RPS6KA2: variants seen among roughly 807,000 people sequenced by gnomAD.
RPS6KA2 encodes the protein ribosomal protein S6 kinase A2, also known as ribosomal protein S6 kinase alpha-2.
In RPS6KA2, 42 loss-of-function variants were observed where a neutral mutation model predicts 91.8. The observed-to-expected ratio is 0.46, with a 90% CI of 0.36 to 0.59. The LOEUF (loss-of-function observed/expected upper bound fraction) is 0.59, where lower values mean the gene tolerates loss of function less well. Ranked by LOEUF, RPS6KA2 falls within the 20% of genes least tolerant of loss-of-function variation. The pLI, the probability that RPS6KA2 is intolerant of heterozygous loss-of-function variation, is 0.00. For missense variants in RPS6KA2, 798 were observed against 978.5 expected, an observed-to-expected ratio of 0.82 and a Z score of 2.46; for synonymous variants, 414 against 393.6, an observed-to-expected ratio of 1.05 and a Z score of -0.61.
At chr6:166,758,551 A>G (rs1420453598) in intron 2 of RPS6KA2, among the ~76,000 whole-genome samples, 3 of 152,340 alleles carry the variant, frequency 2.0e-5, no homozygotes, top group South Asian at 2.1e-4. Flanking sequence ...GACCCAGGAC[A>G]CTGGCGGAGT....
intron 2 of RPS6KA2, among the ~76,000 whole-genome samples, chr6:166,857,734 G>A (rs115321017): frequency 0.015 from 2,232 of 151,996 alleles, 56 homozygotes; most frequent in African/African-American, 0.051. Context: ...ACTCCTCTCC[G>A]TCCACTGGAA....
intron 2 of RPS6KA2, among the ~76,000 whole-genome samples, chr6:166,854,984 C>A (rs183858026): frequency 2.6e-5 from 4 of 152,246 alleles, no homozygotes; most frequent in African/African-American, 9.6e-5. Context: ...AAATGTGATA[C>A]AGATACATCA....
At chr6:166,605,921 A>C (rs996661772) in intron 1 of RPS6KA2, among the ~76,000 whole-genome samples, 2 of 152,240 alleles carry the variant, frequency 1.3e-5, no homozygotes, top group African/African-American at 4.8e-5. Context: ...TTTACTTTGC[A>C]GGTTGATGTG....
chr6:166,508,706 C>G lies in RPS6KA2; in HGVS notation c.380-424G>C, dbSNP rs1341889948. On this transcript the variant is annotated intron_variant, in intron 4 of 20. Transcript: ENST00000265678. The surrounding 1 kb of genome is among the most constrained non-coding windows in gnomAD (Gnocchi z 4.3). ...TTCCGTCCTATGGAAGTGCCTTCTT[C>G]TTACAGAACTCCACTCTGGTACCAG... Among the ~76,000 whole-genome samples, 1 of 152,184 alleles carries G rather than the reference C, an allele frequency of 6.6e-6. No homozygotes were observed. The highest frequency in any genetic ancestry group is 1.5e-5 in the Non-Finnish European group (1 of 68,032).
At chr6:166,827,574 T>C (rs942923375) in intron 2 of RPS6KA2, among the ~76,000 whole-genome samples, 13 of 152,228 alleles carry the variant, frequency 8.5e-5, no homozygotes, top group Non-Finnish European at 1.9e-4. Flanking sequence ...CTGTCTGTTA[T>C]TAAGGTTGGC....
rs1365287643 is a variant in RPS6KA2 at position 166,821,862 on chromosome 6, AG to A, written c.123+36337del. ...CGTTGTTGTGTTGGATTCCCCACTC[AG>A]ACACGCTCTTCTCTCCTTCTTCCCC... On this transcript the variant is annotated intron_variant, in intron 2 of 21. Transcript: ENST00000503859. The surrounding 1 kb of genome is among the most constrained non-coding windows in gnomAD (Gnocchi z 4.1). Among the ~76,000 whole-genome samples the A allele has an allele frequency of 6.6e-6, 1 of 152,178 alleles. No homozygotes were observed. The highest frequency in any genetic ancestry group is 1.9e-4 in the East Asian group (1 of 5,164).
Position 166,821,583 on chromosome 6 carries a change from C to G in RPS6KA2, c.123+36617G>C, listed in dbSNP as rs1281206411. Among the ~76,000 whole-genome samples the G allele has an allele frequency of 6.6e-6, 1 of 152,066 alleles. No individual in the cohort carries two copies. The highest frequency in any genetic ancestry group is 6.5e-5 in the Admixed American group (1 of 15,274). On this transcript the variant is annotated intron_variant, in intron 2 of 21. Transcript: ENST00000503859. This position sits in a 1 kb window ranked among gnomAD's most constrained non-coding sequence, Gnocchi z 4.1. ...TGCGGTGGGCCATCCCTCCTCCCAC[C>G]GTAACCACCTACGCTCCCCTGGGTT...
chr6:166,673,210 T>G (rs112863387), intron 2 of RPS6KA2, among the ~76,000 whole-genome samples: 263 of 152,292 alleles, frequency 1.7e-3, no homozygotes, highest in African/African-American at 6.0e-3. Flanking sequence ...TGAGCCACCC[T>G]CCTCCACGTG....
chr6:166,488,777 G>T, intron 10 of RPS6KA2, 56 bp downstream of exon 10: 1 of 1,393,312 alleles, frequency 7.2e-7, no homozygotes, highest in Non-Finnish European at 1.0e-6. Flanking sequence ...CTCCACTGTA[G>T]CTTGCGGGGC....
chr6:166,767,871 G>A lies in RPS6KA2; in HGVS notation c.123+90329C>T, dbSNP rs1009640961. 6.6e-6 allele frequency among the ~76,000 whole-genome samples: 1 copy of A among 151,666 alleles called. No individual in the cohort carries two copies. Among genetic ancestry groups the A allele is most frequent in the Non-Finnish European group, 1.5e-5 (1 of 67,994 alleles). On this transcript the variant is annotated intron_variant, in intron 2 of 21. Coordinates refer to the RPS6KA2 transcript ENST00000503859. The surrounding 1 kb of genome is among the most constrained non-coding windows in gnomAD (Gnocchi z 4.6). ...GTGTGTGCGGGGATTGCTAACCATG[G>A]CAGAGCCTGCTCTCACTGTTTGGGT...
chr6:166,594,247 A>G lies in RPS6KA2; in HGVS notation c.99+32674T>C, dbSNP rs1178356153. Among the ~76,000 whole-genome samples, 5 of 152,356 alleles carry G rather than the reference A, an allele frequency of 3.3e-5. No individual in the cohort carries two copies. In the South Asian group the frequency reaches 6.2e-4, roughly 19 times the overall value. ...GATTCAAATTTTTAAAGAACTGCAC[A>G]TATGTATACATGAAGAAAGAATCAG... is the stretch of plus-strand genomic sequence containing the variant. On this transcript the variant is annotated intron_variant, in intron 1 of 20. Coordinates refer to ENST00000265678, the MANE Select transcript of RPS6KA2 (RefSeq NM_021135.6).
At position 166,808,786 on chromosome 6, in the gene RPS6KA2, T is replaced by C. The variant is rs845669; in HGVS notation, c.123+49414A>G. Among the ~76,000 whole-genome samples the C allele has an allele frequency of 3.9e-3, 593 of 152,322 alleles. 1 individual carries two copies. The highest frequency in any genetic ancestry group is 4.0e-3 in the Non-Finnish European group (272 of 68,022). ...CAAGTATAGTCATATAAAATGTAAA[T>C]GTCAGTATCCCCAAATTGTCTACAA... is the stretch of plus-strand genomic sequence containing the variant. On this transcript the variant is annotated intron_variant, in intron 2 of 21. Coordinates refer to the RPS6KA2 transcript ENST00000503859.
At chr6:166,659,116 G>A (rs559263085) in intron 2 of RPS6KA2, among the ~76,000 whole-genome samples, 6 of 152,076 alleles carry the variant, frequency 3.9e-5, no homozygotes, top group Non-Finnish European at 7.4e-5. Flanking sequence ...CCAACTGACT[G>A]TGCAAATTGG....
rs1350119598 is a variant in RPS6KA2, at chr6:166,565,679, G to C, written c.100-26895C>G. Among the ~76,000 whole-genome samples, 3 of 152,380 alleles carry C rather than the reference G, an allele frequency of 2.0e-5. No individual in the cohort carries two copies. The East Asian group carries it at 5.8e-4, about 29-fold the overall frequency. On this transcript the variant is annotated intron_variant, in intron 1 of 20. Transcript: ENST00000265678. ...GGTCTTGGACACCGGGGGCCAGTGA[G>C]CTAGCTGTTGGGCCAGTGGGGCTCA...
intron 2 of RPS6KA2, chr6:166,701,504 G>A (rs1031240307): frequency 2.2e-6 from 3 of 1,337,400 alleles, no homozygotes; most frequent in African/African-American, 2.9e-5. Context: ...GCTTCCACTG[G>A]AGCAATCTTA....
intron 2 of RPS6KA2, among the ~76,000 whole-genome samples, chr6:166,708,863 G>A (rs971840323): frequency 3.3e-5 from 5 of 152,120 alleles, no homozygotes; most frequent in Admixed American, 2.6e-4. Context: ...ATTTTCATGG[G>A]CAATACATGA....
Position 166,639,275 on chromosome 6 carries a change from C to T in RPS6KA2, c.124-100491G>A, listed in dbSNP as rs1165424185. Among the ~76,000 whole-genome samples the T allele has an allele frequency of 2.0e-5, 3 of 152,120 alleles. No individual in the cohort carries two copies. The highest frequency in any genetic ancestry group is 4.4e-5 in the Non-Finnish European group (3 of 68,022). ...AACCAGAAGGTAAGACTTACCGTGA[C>T]CTCCTGACACGTCCTTATTCCCTAC... On this transcript the variant is annotated intron_variant, in intron 2 of 21. Coordinates refer to the RPS6KA2 transcript ENST00000503859. The surrounding 1 kb of genome is among the most constrained non-coding windows in gnomAD (Gnocchi z 4.2).
chr6:166,714,223 A>C (rs151245907), intron 2 of RPS6KA2, among the ~76,000 whole-genome samples: 3 of 152,328 alleles, frequency 2.0e-5, no homozygotes, highest in Non-Finnish European at 4.4e-5. Context: ...TACTGGTTTG[A>C]AACACAGAAC....
chr6:166,797,735 G>A (rs752704703), intron 2 of RPS6KA2, among the ~76,000 whole-genome samples: 6 of 152,070 alleles, frequency 3.9e-5, no homozygotes, highest in Non-Finnish European at 7.4e-5. Flanking sequence ...AATCGGACAC[G>A]TGCAGTTCAA....
Sources: allele counts gnomAD v4.1 joint callset (sites outside exome capture counted in the v4.1 genomes callset), GRCh38; gene constraint gnomAD v4.1.1; non-coding constraint Gnocchi (gnomAD v3.1); transcripts MANE v1.5; gene names NCBI Gene and HGNC (gene_info 2026-07-23, HGNC 2026-07-21).